The following MAGI1 variants were observed in gnomAD, a reference collection of about 807,000 sequenced individuals.
MAGI1 encodes the protein membrane-associated guanylate kinase, WW and PDZ domain-containing protein 1.
MAGI1 carries 58 observed loss-of-function variants against 139.9 expected under a neutral mutation model. The observed-to-expected ratio is 0.41, with a 90% confidence interval of 0.34 to 0.52. MAGI1 has a LOEUF of 0.52. MAGI1 is among the 20% of genes least tolerant of loss of function. The pLI is 0.12. For synonymous variants in MAGI1, 812 were observed against 737.9 expected (o/e 1.10, Z -1.63); for missense variants, 1,874 against 1,901.6 (o/e 0.99, Z 0.27).
At chr3:65,405,444 A>G (rs1247877439) in intron 12 of MAGI1, among the ~76,000 whole-genome samples, 3 of 152,226 alleles carry the variant, frequency 2.0e-5, no homozygotes, top group African/African-American at 7.2e-5. Flanking sequence ...AAAGGCTAGA[A>G]GGTTATGTGC....
intron 13 of MAGI1, among the ~76,000 whole-genome samples, chr3:65,396,956 G>A (rs1432070877): frequency 6.6e-6 from 1 of 152,196 alleles, no homozygotes; most frequent in Non-Finnish European, 1.5e-5. Context: ...ATGAAAATGG[G>A]TTCTGGTTCA....
At position 65,972,903 on chromosome 3, in the gene MAGI1, C is replaced by A. The variant is rs1406745652; in HGVS notation, c.313+65093G>T. On this transcript the variant is annotated intron_variant, in intron 1 of 22. Transcript: ENST00000402939. ...AAGACAGCGGTGCTCCTATGAAAGC[C>A]AGAGCCAATCAATCAAGTCTTGTTC... is the stretch of plus-strand genomic sequence containing the variant. 6.6e-5 allele frequency among the ~76,000 whole-genome samples: 10 copies of A among 152,294 alleles called. No individual in the cohort carries two copies. The South Asian group carries it at 1.9e-3, about 28-fold the overall frequency.
At chr3:65,772,566 T>C (rs2038041954) in intron 1 of MAGI1, among the ~76,000 whole-genome samples, 1 of 152,076 alleles carries the variant, frequency 6.6e-6, no homozygotes, top group Non-Finnish European at 1.5e-5. Flanking sequence ...TCAGCAGCCA[T>C]AAGAAGGAAG....
intron 1 of MAGI1, among the ~76,000 whole-genome samples, chr3:65,662,029 G>A (rs916461363): frequency 1.3e-5 from 2 of 152,024 alleles, no homozygotes; most frequent in African/African-American, 2.4e-5. Flanking sequence ...TTACAGGCAT[G>A]AGCCACCATG....
intron 18 of MAGI1, among the ~76,000 whole-genome samples, chr3:65,368,951 T>C (rs1452212392): frequency 6.6e-6 from 1 of 152,224 alleles, no homozygotes; most frequent in East Asian, 1.9e-4. Context: ...CCTTGTCTGA[T>C]TAAAGTCTCT....
chr3:65,889,406 C>T (rs570907243), intron 1 of MAGI1, among the ~76,000 whole-genome samples: 4 of 152,270 alleles, frequency 2.6e-5, no homozygotes, highest in African/African-American at 7.2e-5. Flanking sequence ...CTGGGCTTAG[C>T]GACACACTCA....
rs10647105 is a variant in MAGI1, at chr3:65,477,708, A to AT, written c.757+883dup. Among the ~76,000 whole-genome samples, 840 of 114,174 alleles carry AT rather than the reference A, an allele frequency of 7.4e-3. 10 individuals carry two copies. Among genetic ancestry groups the AT allele is most frequent in the African/African-American group, 0.028 (736 of 26,382 alleles). 74.9% of individuals were successfully genotyped at this position (114,174 alleles called of 152,430 possible). A position where few individuals can be genotyped will look rare whatever the true frequency, so the allele number is the denominator to read the frequency against. ...AACACGCAACATTATTATTATTATT[A>AT]TTATTTTTTTTTTTTTATTTATATT... On this transcript the variant is annotated intron_variant, in intron 4 of 22. Coordinates refer to ENST00000402939, the MANE Select transcript of MAGI1 (RefSeq NM_001033057.2).
intron 2 of MAGI1, among the ~76,000 whole-genome samples, chr3:65,502,873 G>A (rs1187481648): frequency 2.0e-5 from 3 of 152,054 alleles, no homozygotes; most frequent in Non-Finnish European, 4.4e-5. Context: ...GCCAAGGAAA[G>A]GGCTGAAAGA....
chr3:65,731,392 C>T (rs910896137), intron 1 of MAGI1, among the ~76,000 whole-genome samples: 7 of 151,778 alleles, frequency 4.6e-5, no homozygotes, highest in African/African-American at 1.7e-4. Context: ...ATGGCTCACA[C>T]CTATAATTCC....
At chr3:65,868,958 A>T (rs1305990202) in intron 1 of MAGI1, among the ~76,000 whole-genome samples, 2 of 151,956 alleles carry the variant, frequency 1.3e-5, no homozygotes, top group East Asian at 3.9e-4. Context: ...CATAGCCCCT[A>T]TCAACTTCTA....
At chr3:65,761,239 C>T (rs2036999902) in intron 1 of MAGI1, among the ~76,000 whole-genome samples, 3 of 152,034 alleles carry the variant, frequency 2.0e-5, no homozygotes, top group Admixed American at 1.3e-4. Context: ...CTCAGACATC[C>T]CAACTTAACA....
intron 1 of MAGI1, among the ~76,000 whole-genome samples, chr3:65,841,793 A>T (rs2058815939): frequency 6.6e-6 from 1 of 152,148 alleles, no homozygotes; most frequent in Admixed American, 6.5e-5. Context: ...TTTTGAACCA[A>T]CACAGGGTTC....
At chr3:65,521,331 C>T (rs2078144469) in intron 2 of MAGI1, among the ~76,000 whole-genome samples, 1 of 152,100 alleles carries the variant, frequency 6.6e-6, no homozygotes, top group Non-Finnish European at 1.5e-5. Flanking sequence ...GAGAAACCTC[C>T]TAGCATATAT....
At chr3:65,888,569 G>T (rs1256703971) in intron 1 of MAGI1, among the ~76,000 whole-genome samples, 1 of 152,132 alleles carries the variant, frequency 6.6e-6, no homozygotes, top group Admixed American at 6.5e-5. Flanking sequence ...AATGACATTA[G>T]AAATGAAAGG....
At chr3:65,468,953 A>ATAAATAAC (rs1950367210) in intron 5 of MAGI1, among the ~76,000 whole-genome samples, 1 of 148,720 alleles carries the variant, frequency 6.7e-6, no homozygotes, top group Non-Finnish European at 1.5e-5. Flanking sequence ...GAAACAATAA[A>ATAAATAAC]TAAATAAATA....
At chr3:65,956,946 G>A (rs2064153881) in intron 1 of MAGI1, among the ~76,000 whole-genome samples, 1 of 152,078 alleles carries the variant, frequency 6.6e-6, no homozygotes, top group Admixed American at 6.5e-5. Flanking sequence ...AAGCTGCAGT[G>A]AGCCAAGATC....
chr3:66,013,810 T>C (rs946894305), intron 1 of MAGI1, among the ~76,000 whole-genome samples: 15 of 151,324 alleles, frequency 9.9e-5, no homozygotes, highest in African/African-American at 3.4e-4. Flanking sequence ...CCACTAGGTA[T>C]TTGAAAAAGC....
intron 2 of MAGI1, among the ~76,000 whole-genome samples, chr3:65,554,289 A>G (rs745785308): frequency 2.6e-5 from 4 of 152,184 alleles, no homozygotes; most frequent in Non-Finnish European, 5.9e-5. Context: ...TAATCATCAA[A>G]ATAAACATAT....
chr3:65,467,123 T>G (rs1575864780), intron 5 of MAGI1, among the ~76,000 whole-genome samples: 1 of 152,222 alleles, frequency 6.6e-6, no homozygotes, highest in Non-Finnish European at 1.5e-5. Flanking sequence ...GATCCCATGC[T>G]CCCTAGCCAG....
Sources: allele counts gnomAD v4.1 joint callset (sites outside exome capture counted in the v4.1 genomes callset), GRCh38; gene constraint gnomAD v4.1.1; transcripts MANE v1.5; gene names NCBI Gene and HGNC (gene_info 2026-07-23, HGNC 2026-07-21).